The following CFAP263 variants were observed in gnomAD, a reference collection of about 807,000 sequenced individuals.
The protein encoded by CFAP263 is cilia and flagella associated protein 263, also known as cilia- and flagella-associated protein 263.
the CFAP263 span, among the ~76,000 whole-genome samples, chr16:58,270,809 C>T: frequency 1.3e-5 from 2 of 152,090 alleles, no homozygotes; most frequent in Non-Finnish European, 1.5e-5. Context: ...GCGAGGATTT[C>T]AAAAGCTGAA....
chr16:58,268,015 A>G, the CFAP263 span, among the ~76,000 whole-genome samples: 2 of 146,550 alleles, frequency 1.4e-5, no homozygotes, highest in Non-Finnish European at 3.0e-5. Flanking sequence ...AGAGAGAGAG[A>G]AAGAGAGAGA....
At chr16:58,260,400 T>A in the CFAP263 span, among the ~76,000 whole-genome samples, 1 of 152,176 alleles carries the variant, frequency 6.6e-6, no homozygotes, top group African/African-American at 2.4e-5. Flanking sequence ...AACTGTAAGA[T>A]AATAAATTTG....
At chr16:58,256,210 CCT>C in the CFAP263 span, among the ~76,000 whole-genome samples, 1 of 152,178 alleles carries the variant, frequency 6.6e-6, no homozygotes, top group Non-Finnish European at 1.5e-5. Flanking sequence ...TCCCACCCCT[CCT>C]CTCTCTCTTT....
the CFAP263 span, among the ~76,000 whole-genome samples, chr16:58,261,177 G>C: frequency 5.3e-5 from 8 of 152,180 alleles, no homozygotes; most frequent in African/African-American, 1.9e-4. Flanking sequence ...TGTGCCCAAG[G>C]AGAGAGGGTC....
the CFAP263 span, chr16:58,262,272 A>C: frequency 1.0e-6 from 1 of 969,856 alleles, no homozygotes; most frequent in East Asian, 2.4e-5. Flanking sequence ...TGTTTGCTGA[A>C]TGACTGAATG....
At chr16:58,267,217 C>T in the CFAP263 span, among the ~76,000 whole-genome samples, 1 of 152,074 alleles carries the variant, frequency 6.6e-6, no homozygotes, top group African/African-American at 2.4e-5. Context: ...CAGAGATCTC[C>T]TTAGTGAGTA....
chr16:58,263,984 A>G, the CFAP263 span, among the ~76,000 whole-genome samples: 1 of 152,214 alleles, frequency 6.6e-6, no homozygotes, highest in Non-Finnish European at 1.5e-5. Flanking sequence ...TGTCTCAAGA[A>G]AAAAAGAGCT....
the CFAP263 span, chr16:58,252,885 T>C: frequency 6.2e-7 from 1 of 1,609,600 alleles, no homozygotes; most frequent in African/African-American, 1.3e-5. Context: ...CATTCTTTTA[T>C]TGTTTGTCAC....
At chr16:58,251,688 G>A in the CFAP263 span, among the ~76,000 whole-genome samples, 6 of 152,050 alleles carry the variant, frequency 3.9e-5, no homozygotes, top group Admixed American at 3.3e-4. Context: ...CACCACACCT[G>A]GCCCCACTAG....
chr16:58,278,519 G>A, the CFAP263 span: 14 of 1,614,166 alleles, frequency 8.7e-6, no homozygotes, highest in East Asian at 6.7e-5. Context: ...AAGAGGCTCC[G>A]GAAGCAGCTG....
At chr16:58,253,745 G>A in the CFAP263 span, among the ~76,000 whole-genome samples, 5 of 152,236 alleles carry the variant, frequency 3.3e-5, no homozygotes, top group African/African-American at 9.6e-5. Context: ...CCTTCAAGAC[G>A]TTTACCCTTA....
chr16:58,272,974 T>A, the CFAP263 span, among the ~76,000 whole-genome samples: 4 of 152,292 alleles, frequency 2.6e-5, no homozygotes, highest in African/African-American at 9.6e-5. Flanking sequence ...GATATAATAT[T>A]CTTGAGTGGC....
chr16:58,280,687 T>C, the CFAP263 span: 1 of 1,614,186 alleles, frequency 6.2e-7, no homozygotes, highest in Non-Finnish European at 8.5e-7. Flanking sequence ...ACCACCGAAG[T>C]TCAGGACTCC....
chr16:58,274,495 G>A, the CFAP263 span, among the ~76,000 whole-genome samples: 1 of 152,162 alleles, frequency 6.6e-6, no homozygotes. Flanking sequence ...TCAAAGGAGG[G>A]ACCTGGTGGA....
chr16:58,270,487 A>C, the CFAP263 span, among the ~76,000 whole-genome samples: 766 of 152,158 alleles, frequency 5.0e-3, 11 homozygotes, highest in African/African-American at 0.017. Flanking sequence ...AAAAAAAAAA[A>C]CTTAAGGTGA....
chr16:58,279,969 C>A, the CFAP263 span: 1 of 620,230 alleles, frequency 1.6e-6, no homozygotes, highest in East Asian at 2.7e-5. Context: ...GGAACTGTTA[C>A]CACTGAAAGA....
the CFAP263 span, chr16:58,283,173 T>C: frequency 6.6e-6 from 1 of 152,228 alleles, no homozygotes; most frequent in Admixed American, 6.5e-5. Flanking sequence ...TCTGCTTTTG[T>C]TGGGTTTCAG....
chr16:58,274,308 A>G, the CFAP263 span, among the ~76,000 whole-genome samples: 1 of 152,140 alleles, frequency 6.6e-6, no homozygotes, highest in Non-Finnish European at 1.5e-5. Context: ...CCTCCTCTAA[A>G]TTGCTTACCT....
chr16:58,249,949 C>T, the CFAP263 span: 3 of 1,095,802 alleles, frequency 2.7e-6, no homozygotes, highest in South Asian at 1.3e-5. Flanking sequence ...GCCGGAGTGA[C>T]GCGTGGCCGC....
Sources: allele counts gnomAD v4.1 joint callset (sites outside exome capture counted in the v4.1 genomes callset), GRCh38; gene constraint gnomAD v4.1.1; transcripts MANE v1.5; gene names NCBI Gene and HGNC (gene_info 2026-07-23, HGNC 2026-07-21).